Variants in FER1L5 observed in about 807,000 individuals in gnomAD.
FER1L5 encodes fer-1 like family member 5, also known as fer-1-like protein 5.
In FER1L5, 187 loss-of-function variants were observed where a neutral mutation model predicts 279.9. The observed-to-expected ratio is 0.67, with a 90% CI of 0.59 to 0.75. The LOEUF is 0.75. FER1L5 is among the 30% of genes least tolerant of loss of function. The probability of loss-of-function intolerance (pLI) is 0.00; values close to 1 mark genes in which losing one functional copy is unlikely to be tolerated. For missense variants in FER1L5, 2,091 were observed against 2,594.4 expected (o/e 0.81, Z 4.21); for synonymous variants, 921 against 989.7 (o/e 0.93, Z 1.30).
At position 96,699,730 on chromosome 2, in the gene FER1L5, G is replaced by C. The variant is rs769112958; in HGVS notation, c.4781+10G>C. ...CCAAATCCTACTGCCAGTGAGAGTG[G>C]GCCCGTCTGGGGGAAGGGAGTCAGG... On this transcript the variant is annotated intron_variant, in intron 43 of 52. Transcript: ENST00000624922. 2.5e-6 allele frequency: 4 copies of C among 1,613,506 alleles called. No homozygotes were observed. Among genetic ancestry groups the C allele is most frequent in the Non-Finnish European group, 3.4e-6 (4 of 1,179,668 alleles).
At position 96,691,294 on chromosome 2, in the gene FER1L5, C is replaced by T. The variant is rs1446307652; in HGVS notation, c.2848C>T (p.Arg950Cys). 1.0e-5 allele frequency: 16 copies of T among 1,550,454 alleles called. No individual in the cohort carries two copies. The highest frequency in any genetic ancestry group is 1.4e-5 in the African/African-American group (1 of 73,058). ...SCRRRRWARVRFRNHGELSHE... is the reference protein window; with the variant it reads ...SCRRRRWARVCFRNHGELSHE... Reference sequence around the variant, plus strand: ...CCGCCGCCGGCGCTGGGCGCGTGTGCGCTTCAGGAACCATGGGGAGCTGAG... The same window carrying T: ...CCGCCGCCGGCGCTGGGCGCGTGTGTGCTTCAGGAACCATGGGGAGCTGAG... The change falls in exon 28 of 53, where the codon CGC becomes TGC. Residue 950 changes from arginine to cysteine, a missense_variant. Transcript: ENST00000624922. The surrounding 1 kb of genome is among the most constrained non-coding windows in gnomAD (Gnocchi z 6.0).
intron 14 of FER1L5, among the ~76,000 whole-genome samples, chr2:96,666,295 G>T (rs1158967658): frequency 6.6e-6 from 1 of 150,414 alleles, no homozygotes; most frequent in East Asian, 2.0e-4. Flanking sequence ...TGGATGGAAA[G>T]GTGGTTCCGC....
rs777891802 is a variant in FER1L5, at chr2:96,699,056, T to C, written c.4530T>C (p.Tyr1510=). The C allele has an allele frequency of 6.5e-5, 104 of 1,610,570 alleles. 1 individual carries two copies. In the South Asian group the frequency reaches 1.1e-3, roughly 17 times the overall value. The change falls in exon 42 of 53, where the codon TAT becomes TAC. Residue 1510 remains tyrosine (Y), a synonymous_variant. Coordinates refer to ENST00000624922, the MANE Select transcript of FER1L5 (RefSeq NM_001293083.2). ...PQDYNGLCDP[Y]VILKLGKTEL... is the part of the protein sequence containing the mutation. ...GTATCTGACCCCAGTGTGACCCTTA[T>C]GTGATCCTGAAACTGGGCAAGACAG...
chr2:96,663,529 C>A (rs1163636534), intron 14 of FER1L5, 22 bp downstream of exon 14: 2 of 1,550,406 alleles, frequency 1.3e-6, no homozygotes, highest in Non-Finnish European at 1.7e-6. Flanking sequence ...CCATCATGCC[C>A]ACCCTTCTCC....
chr2:96,688,304 CG>C (rs1293440368), intron 24 of FER1L5, among the ~76,000 whole-genome samples: 1 of 152,180 alleles, frequency 6.6e-6, no homozygotes, highest in Non-Finnish European at 1.5e-5. Context: ...ATCAACAGCA[CG>C]TGAAGTGAGC....
intron 19 of FER1L5, among the ~76,000 whole-genome samples, chr2:96,677,137 C>T (rs1250923497): frequency 2.6e-5 from 4 of 152,208 alleles, no homozygotes; most frequent in South Asian, 2.1e-4. Context: ...CCACGATGCC[C>T]GTCCTATCTT....
intron 30 of FER1L5, 64 bp from the exon 31 acceptor site, chr2:96,692,040 G>C (rs2077172985): frequency 8.4e-6 from 13 of 1,542,356 alleles, no homozygotes; most frequent in Non-Finnish European, 1.1e-5. Context: ...GACAGGGTGG[G>C]GGCAGTCAGA....
Position 96,692,042 on chromosome 2 carries a change from G to A in FER1L5, c.3215-62G>A. The A allele has an allele frequency of 3.3e-6, 5 of 1,532,660 alleles. No homozygotes were observed. The South Asian group carries it at 4.8e-5, about 15-fold the overall frequency. 94.9% of individuals were successfully genotyped at this position (1,532,660 alleles called of 1,614,324 possible). A position where few individuals can be genotyped will look rare whatever the true frequency, so the allele number is the denominator to read the frequency against. Reference sequence around the variant, plus strand: ...GGCGGGGGGGGGGGACAGGGTGGGGGCAGTCAGAGGGAGCCGCTGGGGTCC... The same window carrying A: ...GGCGGGGGGGGGGGACAGGGTGGGGACAGTCAGAGGGAGCCGCTGGGGTCC... On this transcript the variant is annotated intron_variant, in intron 30 of 52. Coordinates refer to ENST00000624922, the MANE Select transcript of FER1L5 (RefSeq NM_001293083.2).
intron 18 of FER1L5, among the ~76,000 whole-genome samples, chr2:96,670,647 A>G (rs2076288298): frequency 6.6e-6 from 1 of 151,798 alleles, no homozygotes; most frequent in African/African-American, 2.4e-5. Context: ...GTAGCTGGGC[A>G]TGGTGGTGCA....
rs1425457502 is a variant in FER1L5, at chr2:96,698,842, A to C, written c.4518+10A>C. On this transcript the variant is annotated intron_variant, in intron 41 of 52. Coordinates refer to ENST00000624922, the MANE Select transcript of FER1L5 (RefSeq NM_001293083.2). This position sits in a 1 kb window ranked among gnomAD's most constrained non-coding sequence, Gnocchi z 5.5. ...GGACTACAATGGCCTGGTAAAGAAC[A>C]GTACCTGCCCCACACAGGTGCCCCG... is the stretch of plus-strand genomic sequence containing the variant. 1 of 1,557,870 alleles carries C rather than the reference A, an allele frequency of 6.4e-7. No homozygotes were observed. Among genetic ancestry groups the C allele is most frequent in the Non-Finnish European group, 8.7e-7 (1 of 1,150,800 alleles).
intron 9 of FER1L5, chr2:96,654,754 C>T (rs1054779543): frequency 4.8e-5 from 10 of 208,422 alleles, no homozygotes; most frequent in South Asian, 1.9e-4. Flanking sequence ...AAAAAATTAG[C>T]GGGGTGAGGT....
chr2:96,646,614 C>T (rs1001200528), intron 2 of FER1L5, among the ~76,000 whole-genome samples, 161 bp downstream of exon 2: 1 of 152,166 alleles, frequency 6.6e-6, no homozygotes, highest in Non-Finnish European at 1.5e-5. Flanking sequence ...CAGCCTCTGA[C>T]CCGACAAGGC....
intron 19 of FER1L5, among the ~76,000 whole-genome samples, chr2:96,680,590 C>A (rs1011285506): frequency 1.3e-5 from 2 of 151,878 alleles, no homozygotes; most frequent in African/African-American, 2.4e-5. Context: ...TTTTCCCTTC[C>A]CCACTTATCT....
At position 96,694,707 on chromosome 2, in the gene FER1L5, T is replaced by C. The variant is rs1046862967; in HGVS notation, c.3741+243T>C. On this transcript the variant is annotated intron_variant, in intron 34 of 52. Coordinates refer to ENST00000624922, the MANE Select transcript of FER1L5 (RefSeq NM_001293083.2). The surrounding 1 kb of genome is among the most constrained non-coding windows in gnomAD (Gnocchi z 4.6). Reference sequence around the variant, plus strand: ...AAGGGCTGTAGCATGCATGATCACTTGTGGGACTCACGCTGCCCCTGCGCA... The same window carrying C: ...AAGGGCTGTAGCATGCATGATCACTCGTGGGACTCACGCTGCCCCTGCGCA... The C allele has an allele frequency of 2.6e-6, 1 of 387,538 alleles. No individual in the cohort carries two copies. The highest frequency in any genetic ancestry group is 3.9e-5 in the East Asian group (1 of 25,410). 24.0% of individuals were successfully genotyped at this position (387,538 alleles called of 1,614,324 possible).
intron 9 of FER1L5, among the ~76,000 whole-genome samples, chr2:96,657,591 T>G (rs2075649244): frequency 6.6e-6 from 1 of 151,566 alleles, no homozygotes; most frequent in South Asian, 2.1e-4. Flanking sequence ...TCCCACCCCC[T>G]CCATCCGCAG....
chr2:96,651,253 T>G (rs1042972283), intron 6 of FER1L5, among the ~76,000 whole-genome samples: 15 of 127,744 alleles, frequency 1.2e-4, no homozygotes, highest in African/African-American at 3.9e-4. Flanking sequence ...CTTTCTTTCT[T>G]TCTTTCTTTC....
intron 18 of FER1L5, among the ~76,000 whole-genome samples, chr2:96,671,074 T>A (rs2076305795): frequency 8.9e-6 from 1 of 112,202 alleles, no homozygotes; most frequent in Admixed American, 1.4e-4. Context: ...GCCACTGCAC[T>A]CCAGCCTGGG....
At chr2:96,672,885 G>T (rs2076380013) in intron 18 of FER1L5, among the ~76,000 whole-genome samples, 192 bp from the exon 19 acceptor site, 1 of 152,098 alleles carries the variant, frequency 6.6e-6, no homozygotes, top group African/African-American at 2.4e-5. Flanking sequence ...TGGGTGGAGG[G>T]GCCAGATGAT....
chr2:96,692,326 T>C (rs1470345516), intron 31 of FER1L5, 145 bp downstream of exon 31: 2 of 845,146 alleles, frequency 2.4e-6, no homozygotes, highest in Admixed American at 2.2e-5. Flanking sequence ...CTGCAAGCCT[T>C]GTCCCTGGGT....
Sources: gnomAD v4.1 joint callset for allele counts (sites outside exome capture counted in the v4.1 genomes callset) on GRCh38, gnomAD v4.1.1 for gene constraint, Gnocchi (gnomAD v3.1) non-coding constraint, MANE v1.5 for transcripts, NCBI Gene and HGNC (gene_info 2026-07-23, HGNC 2026-07-21) for gene names.